ITPRID1: variants seen among roughly 807,000 people sequenced by gnomAD.
ITPRID1 encodes protein ITPRID1.
In ITPRID1, 96 loss-of-function variants were observed where a neutral mutation model predicts 95.4. The observed-to-expected ratio is 1.01, with a 90% CI of 0.85 to 1.19. The LOEUF is 1.19. Ranked by LOEUF, ITPRID1 falls within the 50% of genes most tolerant of loss-of-function variation. The pLI, the probability that ITPRID1 is intolerant of heterozygous loss-of-function variation, is 0.00. For missense variants in ITPRID1, 1,339 were observed against 1,252.9 expected (o/e 1.07, Z -1.04); for synonymous variants, 510 against 453.6 (o/e 1.12, Z -1.58).
At chr7:31,521,670 CCTTCCTT>C (rs1783261670) in intron 1 of ITPRID1, among the ~76,000 whole-genome samples, 3 of 125,140 alleles carry the variant, frequency 2.4e-5, no homozygotes, top group African/African-American at 8.9e-5. Flanking sequence ...TTCCTTCCTT[CCTTCCTT>C]CCTTCCTTCC....
chr7:31,603,170 C>G (rs1786470262), intron 10 of ITPRID1, among the ~76,000 whole-genome samples: 1 of 152,094 alleles, frequency 6.6e-6, no homozygotes, highest in Non-Finnish European at 1.5e-5. Flanking sequence ...GGCCAGGAGG[C>G]AATCAATCAG....
chr7:31,608,726 G>T (rs1786732378), intron 10 of ITPRID1, among the ~76,000 whole-genome samples: 1 of 151,670 alleles, frequency 6.6e-6, no homozygotes, highest in African/African-American at 2.4e-5. Flanking sequence ...TGACTTTGCT[G>T]AATTCATTTA....
At chr7:31,516,241 A>G (rs949309170) in intron 1 of ITPRID1, among the ~76,000 whole-genome samples, 13 of 152,184 alleles carry the variant, frequency 8.5e-5, no homozygotes, top group Non-Finnish European at 1.5e-5. Flanking sequence ...CTTATTGCAC[A>G]TTTAGGTTTG....
intron 6 of ITPRID1, among the ~76,000 whole-genome samples, chr7:31,571,875 C>T (rs978275155): frequency 1.2e-4 from 19 of 152,152 alleles, no homozygotes; most frequent in African/African-American, 3.4e-4. Context: ...TGAGCACTAG[C>T]GGGCACCTAA....
Position 31,572,283 on chromosome 7 carries a change from A to T in ITPRID1, c.395+95A>T, listed in dbSNP as rs1259953232. On this transcript the variant is annotated intron_variant, in intron 7 of 14. Coordinates refer to ENST00000615280, the MANE Select transcript of ITPRID1 (RefSeq NM_001257967.3). The stretch of plus-strand genomic sequence containing the variant: ...AAATAGGCACTTGTTGAATGAATGG[A>T]TGAGAGAATGAATAAAAGATTTTCA... 4 of 698,358 alleles carry T rather than the reference A, an allele frequency of 5.7e-6. No individual in the cohort carries two copies. The East Asian group carries it at 8.3e-5, about 15-fold the overall frequency. 43.3% of individuals were successfully genotyped at this position (698,358 alleles called of 1,614,324 possible). A position where few individuals can be genotyped will look rare whatever the true frequency, so the allele number is the denominator to read the frequency against.
intron 1 of ITPRID1, 63 bp downstream of exon 1, chr7:31,514,183 G>C (rs947398680): frequency 6.6e-6 from 1 of 152,096 alleles, no homozygotes; most frequent in Admixed American, 6.5e-5. Flanking sequence ...AACATTGCTT[G>C]TCCCCTCCTC....
intron 1 of ITPRID1, among the ~76,000 whole-genome samples, chr7:31,533,607 T>C (rs1783669089): frequency 6.6e-6 from 1 of 152,220 alleles, no homozygotes; most frequent in East Asian, 1.9e-4. Context: ...CATTTTAAAC[T>C]GCACTTTCCT....
In ITPRID1 at chr7:31,652,009, T is replaced by G; in HGVS notation, c.2782T>G (p.Leu928Val). The G allele has an allele frequency of 6.2e-7, 1 of 1,604,952 alleles. No homozygotes were observed. Among genetic ancestry groups the G allele is most frequent in the African/African-American group, 1.3e-5 (1 of 74,892 alleles). The change falls in exon 14 of 15, where the codon TTA becomes GTA. Residue 928 changes from leucine to valine, a missense_variant. By Grantham distance (32) the Leu-to-Val change is conservative (BLOSUM62 1). Transcript: ENST00000615280. ...RQQVAELEFQ[L>V]GDRAQQIREG... Reference sequence around the variant, plus strand: ...GCAGGTGGCAGAGTTGGAATTTCAGTTAGGAGACCGGGCTCAGCAAATCAG... The same window carrying G: ...GCAGGTGGCAGAGTTGGAATTTCAGGTAGGAGACCGGGCTCAGCAAATCAG...
intron 10 of ITPRID1, among the ~76,000 whole-genome samples, chr7:31,635,620 C>A (rs570673858): frequency 6.6e-6 from 1 of 152,144 alleles, no homozygotes; most frequent in Non-Finnish European, 1.5e-5. Flanking sequence ...TTTAGGGACC[C>A]TTTGTAGTTG....
At position 31,596,836 on chromosome 7, in the gene ITPRID1, A is replaced by G. The variant is rs539698667; in HGVS notation, c.1228+13645A>G. Among the ~76,000 whole-genome samples the G allele has an allele frequency of 2.0e-5, 3 of 151,898 alleles. No homozygotes were observed. The East Asian group carries it at 5.8e-4, about 29-fold the overall frequency. ...GCAATTAAGCTGATTAGTTTTTACT[A>G]TCTAAAATTGAAAACATATATTTAA... is the stretch of plus-strand genomic sequence containing the variant. On this transcript the variant is annotated intron_variant, in intron 10 of 14. Transcript: ENST00000615280.
intron 2 of ITPRID1, chr7:31,551,939 G>T (rs1784296295): frequency 2.4e-6 from 1 of 416,062 alleles, no homozygotes. Context: ...AGAAAGTGTG[G>T]CTTGAAACCT....
chr7:31,638,993 T>C (rs183589730), intron 10 of ITPRID1, among the ~76,000 whole-genome samples: 1 of 152,250 alleles, frequency 6.6e-6, no homozygotes, highest in African/African-American at 2.4e-5. Context: ...GCCAGGCTGG[T>C]CTTGAACTCC....
chr7:31,547,304 C>T (rs1237425693), intron 1 of ITPRID1, among the ~76,000 whole-genome samples: 1 of 152,152 alleles, frequency 6.6e-6, no homozygotes, highest in East Asian at 1.9e-4. Context: ...TGAAGAAATA[C>T]TCGAGACTGG....
At chr7:31,523,178 G>C (rs2128127819) in intron 1 of ITPRID1, among the ~76,000 whole-genome samples, 1 of 152,304 alleles carries the variant, frequency 6.6e-6, no homozygotes, top group East Asian at 1.9e-4. Context: ...CGACAAGAAG[G>C]TTGCTGGTGT....
chr7:31,638,509 G>A (rs1789699979), intron 10 of ITPRID1, among the ~76,000 whole-genome samples: 2 of 152,160 alleles, frequency 1.3e-5, no homozygotes, highest in African/African-American at 2.4e-5. Flanking sequence ...ACACGACATT[G>A]TTAATTTTTT....
chr7:31,652,762 C>G lies in ITPRID1; in HGVS notation c.3068C>G (p.Ala1023Gly). 6.2e-7 allele frequency: 1 copy of G among 1,613,912 alleles called. No individual in the cohort carries two copies. The highest frequency in any genetic ancestry group is 8.5e-7 in the Non-Finnish European group (1 of 1,179,878). The change falls in exon 15 of 15, where the codon GCA (alanine) becomes GGA (glycine). Residue 1023 changes from alanine (A) to glycine (G), a missense_variant. Physicochemically the swap from Ala to Gly is moderately conservative, Grantham distance 60. Coordinates refer to ENST00000615280, the MANE Select transcript of ITPRID1 (RefSeq NM_001257967.3). ...TRMSPSSSAW[A>G]KLGPTPLSNC... is the part of the protein sequence containing the mutation. ...ATGTCTCCTTCATCATCAGCTTGGG[C>G]AAAGTTAGGTCCAACCCCTTTGTCA...
intron 12 of ITPRID1, among the ~76,000 whole-genome samples, chr7:31,650,701 C>A (rs570074474): frequency 6.6e-6 from 1 of 152,270 alleles, no homozygotes; most frequent in South Asian, 2.1e-4. Context: ...TTTCTTTAAT[C>A]AAACACATAC....
At position 31,640,523 on chromosome 7, in the gene ITPRID1, G is replaced by A. The variant is rs539453785; in HGVS notation, c.1229-1653G>A. 9.0e-4 allele frequency among the ~76,000 whole-genome samples: 137 copies of A among 152,316 alleles called. 1 individual carries two copies. Among genetic ancestry groups the A allele is most frequent in the Admixed American group, 1.6e-3 (24 of 15,304 alleles). The stretch of plus-strand genomic sequence containing the variant: ...CTCAGCCTGGGTTCCCCCTTCTCAT[G>A]CCAAGACCTGTAAACTCTCTCAAAG... On this transcript the variant is annotated intron_variant, in intron 10 of 14. Coordinates refer to ENST00000615280, the MANE Select transcript of ITPRID1 (RefSeq NM_001257967.3).
At chr7:31,599,370 C>A (rs1049750753) in intron 10 of ITPRID1, among the ~76,000 whole-genome samples, 5 of 151,840 alleles carry the variant, frequency 3.3e-5, no homozygotes, top group African/African-American at 1.2e-4. Flanking sequence ...TAATAATGTG[C>A]AAAGTAAAAG....
Sources: gnomAD v4.1 joint callset for allele counts (sites outside exome capture counted in the v4.1 genomes callset) on GRCh38, gnomAD v4.1.1 for gene constraint, MANE v1.5 for transcripts, NCBI Gene and HGNC (gene_info 2026-07-23, HGNC 2026-07-21) for gene names.